Variants in PTPRM observed in about 807,000 individuals in gnomAD.
The protein encoded by PTPRM is protein tyrosine phosphatase receptor type M, also known as receptor-type tyrosine-protein phosphatase mu.
Under a neutral mutation model 186.7 loss-of-function variants are expected in PTPRM, and 47 were observed. That is an observed-to-expected ratio of 0.25 (90% CI 0.20 to 0.32). The LOEUF (loss-of-function observed/expected upper bound fraction) is 0.32. PTPRM is among the 10% of genes least tolerant of loss of function. The pLI, the probability that PTPRM is intolerant of heterozygous loss-of-function variation, is 1.00. For synonymous variants in PTPRM, 668 were observed against 674.9 expected (o/e 0.99, Z 0.16); for missense variants, 1,494 against 1,865.0 (o/e 0.80, Z 3.66).
At chr18:8,138,433 C>G (rs886270619) in intron 13 of PTPRM, among the ~76,000 whole-genome samples, 1 of 152,084 alleles carries the variant, frequency 6.6e-6, no homozygotes, top group Non-Finnish European at 1.5e-5. Context: ...GGTTGGCTAC[C>G]AGCAGATCCC....
intron 23 of PTPRM, among the ~76,000 whole-genome samples, chr18:8,355,106 A>C (rs1039328893): frequency 2.0e-5 from 3 of 152,204 alleles, no homozygotes; most frequent in African/African-American, 7.2e-5. Context: ...CACACCACTC[A>C]ATGTGCAGTC....
chr18:8,319,273 T>C, intron 22 of PTPRM, 59 bp downstream of exon 22: 1 of 1,262,394 alleles, frequency 7.9e-7, no homozygotes, highest in Non-Finnish European at 1.1e-6. Flanking sequence ...TCCTATCATT[T>C]TGTACCCACT....
At chr18:7,718,409 A>C (rs1252136335) in intron 1 of PTPRM, among the ~76,000 whole-genome samples, 1 of 152,194 alleles carries the variant, frequency 6.6e-6, no homozygotes, top group Non-Finnish European at 1.5e-5. Context: ...TTAAAAATCA[A>C]CTCAACATGT....
intron 1 of PTPRM, among the ~76,000 whole-genome samples, chr18:7,753,076 C>G (rs940218331): frequency 6.6e-6 from 1 of 152,018 alleles, no homozygotes; most frequent in African/African-American, 2.4e-5. Flanking sequence ...GAACCAAAAC[C>G]AGTTTGGAAG....
intron 19 of PTPRM, among the ~76,000 whole-genome samples, chr18:8,255,289 T>C (rs1271646344): frequency 6.6e-6 from 1 of 152,220 alleles, no homozygotes; most frequent in East Asian, 1.9e-4. Flanking sequence ...AGTTTTAGGC[T>C]CAAATAACAA....
At chr18:7,606,872 A>G (rs556320853) in intron 1 of PTPRM, among the ~76,000 whole-genome samples, 1 of 152,292 alleles carries the variant, frequency 6.6e-6, no homozygotes, top group Non-Finnish European at 1.5e-5. Context: ...AGGTCCCTGA[A>G]TTCCCCAAAA....
intron 7 of PTPRM, among the ~76,000 whole-genome samples, chr18:8,009,435 C>T (rs1341747393): frequency 1.3e-5 from 2 of 151,978 alleles, no homozygotes; most frequent in African/African-American, 4.8e-5. Context: ...TTTGGCCGAG[C>T]GCGGTGGCCC....
At chr18:7,847,997 A>G (rs1035605585) in intron 2 of PTPRM, among the ~76,000 whole-genome samples, 1 of 152,204 alleles carries the variant, frequency 6.6e-6, no homozygotes, top group Admixed American at 6.5e-5. Context: ...GGCAAAGCAA[A>G]ACTAGAGGAA....
At chr18:8,073,102 T>G (rs906172235) in intron 8 of PTPRM, among the ~76,000 whole-genome samples, 1 of 152,206 alleles carries the variant, frequency 6.6e-6, no homozygotes, top group Non-Finnish European at 1.5e-5. Flanking sequence ...TTACTGTTAG[T>G]ATTTTCTTTT....
intron 4 of PTPRM, among the ~76,000 whole-genome samples, chr18:7,922,635 C>T (rs2050931783): frequency 6.6e-6 from 1 of 152,114 alleles, no homozygotes; most frequent in Non-Finnish European, 1.5e-5. Context: ...ATAGTCTCAT[C>T]CTCATATTTG....
chr18:8,289,951 T>G lies in PTPRM; in HGVS notation c.2755-6417T>G, dbSNP rs375289701. 3.9e-5 allele frequency among the ~76,000 whole-genome samples: 6 copies of G among 152,306 alleles called. No individual in the cohort carries two copies. The South Asian group carries it at 8.3e-4, about 21-fold the overall frequency. ...TTAGCCGTGAAGCATCACATGCTCC[T>G]TTTGCCTGCCTTTGTTCAGGACACT... On this transcript the variant is annotated intron_variant, in intron 19 of 32. Transcript: ENST00000580170.
At chr18:8,319,287 C>A (rs1208883350) in intron 22 of PTPRM, 73 bp downstream of exon 22, 3 of 1,127,722 alleles carry the variant, frequency 2.7e-6, no homozygotes, top group South Asian at 1.4e-5. Context: ...ACCCACTTCA[C>A]CCTCCTTCAG....
chr18:7,736,348 C>T (rs976232716), intron 1 of PTPRM, among the ~76,000 whole-genome samples: 1 of 152,056 alleles, frequency 6.6e-6, no homozygotes, highest in Admixed American at 6.6e-5. Context: ...GAGATGGAGT[C>T]TTGCTCTGTC....
At chr18:8,087,308 A>G (rs1471908496) in intron 10 of PTPRM, among the ~76,000 whole-genome samples, 1 of 152,118 alleles carries the variant, frequency 6.6e-6, no homozygotes. Context: ...TGCTATTTTT[A>G]TTAGATAAGA....
chr18:8,068,275 G>A (rs2089230231), intron 7 of PTPRM, among the ~76,000 whole-genome samples: 1 of 149,532 alleles, frequency 6.7e-6, no homozygotes, highest in African/African-American at 2.5e-5. Context: ...TTCATATTTG[G>A]TGAGCACACT....
At chr18:7,908,965 G>A (rs2050131446) in intron 4 of PTPRM, among the ~76,000 whole-genome samples, 1 of 152,188 alleles carries the variant, frequency 6.6e-6, no homozygotes, top group African/African-American at 2.4e-5. Context: ...TGCCTACTAA[G>A]TGCTGAGCAC....
chr18:8,341,103 T>C (rs2095472003), intron 22 of PTPRM, among the ~76,000 whole-genome samples: 1 of 152,068 alleles, frequency 6.6e-6, no homozygotes, highest in Non-Finnish European at 1.5e-5. Context: ...ATTATGCTCC[T>C]TCTGAAGAAA....
chr18:8,047,785 C>T (rs1296441449), intron 7 of PTPRM, among the ~76,000 whole-genome samples: 1 of 152,052 alleles, frequency 6.6e-6, no homozygotes, highest in African/African-American at 2.4e-5. Flanking sequence ...CTGTGCAACC[C>T]ACACTCTCCT....
At chr18:7,884,040 G>A (rs1443617) in intron 2 of PTPRM, among the ~76,000 whole-genome samples, 52,311 of 151,966 alleles carry the variant, frequency 0.34, 10,759 homozygotes, top group Non-Finnish European at 0.46. Context: ...CCAGCTACTC[G>A]GGAGGCTGAA....
Sources: allele counts gnomAD v4.1 joint callset (sites outside exome capture counted in the v4.1 genomes callset), GRCh38; gene constraint gnomAD v4.1.1; transcripts MANE v1.5; gene names NCBI Gene and HGNC (gene_info 2026-07-23, HGNC 2026-07-21).